FRMD5: variants seen among roughly 807,000 people sequenced by gnomAD.
FRMD5 encodes the protein FERM domain-containing protein 5.
Under a neutral mutation model 69.0 loss-of-function variants are expected in FRMD5, and 20 were observed. That is an observed-to-expected ratio of 0.29 (90% CI 0.20 to 0.42). The LOEUF is 0.42. FRMD5 is among the 10% of genes least tolerant of loss of function. The pLI is 1.00. For missense variants in FRMD5, 595 were observed against 708.6 expected, an observed-to-expected ratio of 0.84 and a Z score of 1.82; for synonymous variants, 271 against 260.1, an observed-to-expected ratio of 1.04 and a Z score of -0.40.
chr15:44,059,106 C>T (rs1369287974), intron 1 of FRMD5, among the ~76,000 whole-genome samples: 3 of 152,068 alleles, frequency 2.0e-5, no homozygotes, highest in African/African-American at 4.8e-5. Flanking sequence ...TGTGAAGAAC[C>T]CTCAACTAGC....
intron 1 of FRMD5, among the ~76,000 whole-genome samples, chr15:43,944,665 C>T (rs904582323): frequency 6.6e-6 from 1 of 152,136 alleles, no homozygotes; most frequent in Non-Finnish European, 1.5e-5. Context: ...TCTTGGCTCA[C>T]TGCAACTTTC....
At chr15:44,071,134 G>A (rs1471203060) in intron 1 of FRMD5, among the ~76,000 whole-genome samples, 2 of 152,168 alleles carry the variant, frequency 1.3e-5, no homozygotes, top group East Asian at 3.8e-4. Flanking sequence ...CCAGAAGCAA[G>A]AGCTATACTT....
At chr15:44,150,079 T>C (rs2077419575) in intron 1 of FRMD5, among the ~76,000 whole-genome samples, 1 of 152,140 alleles carries the variant, frequency 6.6e-6, no homozygotes, top group African/African-American at 2.4e-5. Flanking sequence ...TTTCAACTGA[T>C]GCATAAAACT....
intron 1 of FRMD5, among the ~76,000 whole-genome samples, chr15:44,083,360 T>C (rs1330277180): frequency 1.3e-5 from 2 of 152,018 alleles, no homozygotes; most frequent in African/African-American, 4.8e-5. Context: ...GGATCAAGAT[T>C]AGATTTCATT....
intron 13 of FRMD5, among the ~76,000 whole-genome samples, chr15:43,878,483 T>C (rs1181849463): frequency 1.3e-5 from 2 of 152,222 alleles, no homozygotes; most frequent in African/African-American, 4.8e-5. Context: ...TGTCCCTTGT[T>C]CTAGAGCTCT....
chr15:44,003,386 A>G (rs1045493174), intron 1 of FRMD5, among the ~76,000 whole-genome samples: 57 of 152,262 alleles, frequency 3.7e-4, no homozygotes, highest in African/African-American at 1.1e-3. Flanking sequence ...GTCACTTTCA[A>G]TCACTCCTCT....
chr15:44,064,101 C>A, intron 1 of FRMD5: 1 of 212,736 alleles, frequency 4.7e-6, no homozygotes, highest in South Asian at 7.2e-5. Context: ...AACTATGGCA[C>A]AATGGCTGTG....
chr15:44,196,465 C>CAA (rs529135395), upstream of FRMD5, among the ~76,000 whole-genome samples: 1 of 130,380 alleles, frequency 7.7e-6, no homozygotes, highest in African/African-American at 2.9e-5. Context: ...GCCACCGTCT[C>CAA]AAAAAAAAAA....
chr15:44,125,303 TTAATAA>T (rs765089281), intron 1 of FRMD5, among the ~76,000 whole-genome samples: 108 of 151,644 alleles, frequency 7.1e-4, no homozygotes, highest in Non-Finnish European at 1.3e-3. Context: ...CCCCCATCTC[TTAATAA>T]TAATAATAAT....
Position 43,985,256 on chromosome 15 carries a change from G to A in FRMD5, c.103-60947C>T, listed in dbSNP as rs561356974. 1.6e-4 allele frequency among the ~76,000 whole-genome samples: 23 copies of A among 147,188 alleles called. No individual in the cohort carries two copies. In the East Asian group the frequency reaches 4.6e-3, roughly 29 times the overall value. On this transcript the variant is annotated intron_variant, in intron 1 of 13. Coordinates refer to ENST00000417257, the MANE Select transcript of FRMD5 (RefSeq NM_032892.5). ...AGATCGGACCACTGCATTTCAGCCT[G>A]GGCAACAGAGCGAGACTCCGTCTCA...
intron 10 of FRMD5, among the ~76,000 whole-genome samples, chr15:43,887,498 A>T (rs1292763800): frequency 1.3e-5 from 2 of 152,264 alleles, no homozygotes; most frequent in Admixed American, 1.3e-4. Flanking sequence ...CTGCCGATTC[A>T]GTGAATCCTT....
intron 1 of FRMD5, among the ~76,000 whole-genome samples, chr15:44,143,817 C>G (rs1453207725): frequency 6.7e-6 from 1 of 150,154 alleles, no homozygotes; most frequent in East Asian, 2.0e-4. Flanking sequence ...CCCAGCTACT[C>G]GGGAGGCTGA....
intron 1 of FRMD5, among the ~76,000 whole-genome samples, chr15:44,047,207 G>A (rs1892465610): frequency 6.6e-6 from 1 of 152,140 alleles, no homozygotes. Context: ...TATGTGGGAG[G>A]CTGAGGGAGA....
At chr15:44,035,883 C>T (rs915354898) in intron 1 of FRMD5, among the ~76,000 whole-genome samples, 3 of 152,096 alleles carry the variant, frequency 2.0e-5, no homozygotes, top group Non-Finnish European at 1.5e-5. Flanking sequence ...TATTCATCAG[C>T]TGGGAGGTTT....
intron 1 of FRMD5, chr15:44,063,751 G>A (rs922037681): frequency 2.8e-5 from 9 of 322,838 alleles, no homozygotes; most frequent in Non-Finnish European, 4.8e-5. Context: ...CCAAGAGAGA[G>A]ATCCCACCAA....
In FRMD5 at chr15:43,942,596, G is replaced by A. The variant is rs147909753; in HGVS notation, c.103-18287C>T. 4.9e-3 allele frequency among the ~76,000 whole-genome samples: 739 copies of A among 152,180 alleles called. 5 individuals carry two copies. The highest frequency in any genetic ancestry group is 7.9e-3 in the Non-Finnish European group (535 of 68,012). On this transcript the variant is annotated intron_variant, in intron 1 of 13. Transcript: ENST00000417257. ...ACAGCAAAAGACAGGGAGAAGGCTG[G>A]GATTAGTATTTAGTGATATCTTAAT... is the stretch of plus-strand genomic sequence containing the variant.
At chr15:44,189,113 T>C (rs190398945) in intron 1 of FRMD5, among the ~76,000 whole-genome samples, 257 of 152,318 alleles carry the variant, frequency 1.7e-3, no homozygotes, top group Admixed American at 3.4e-3. Context: ...CAAGTTTGTG[T>C]TTAGTCTAAC....
chr15:43,912,415 A>T (rs185276755), intron 4 of FRMD5, among the ~76,000 whole-genome samples: 305 of 152,152 alleles, frequency 2.0e-3, no homozygotes, highest in Admixed American at 4.8e-3. Context: ...GGAGAGAGTG[A>T]GTGAGCACTT....
intron 1 of FRMD5, among the ~76,000 whole-genome samples, chr15:44,163,145 G>A (rs760580344): frequency 1.3e-5 from 2 of 152,182 alleles, no homozygotes; most frequent in African/African-American, 4.8e-5. Context: ...CTGCACTCCA[G>A]CCTGGGCGAC....
Sources: gnomAD v4.1 joint callset for allele counts (sites outside exome capture counted in the v4.1 genomes callset) on GRCh38, gnomAD v4.1.1 for gene constraint, MANE v1.5 for transcripts, NCBI Gene and HGNC (gene_info 2026-07-23, HGNC 2026-07-21) for gene names.